Variants in DCDC2C observed in about 807,000 individuals in gnomAD.
DCDC2C encodes the protein doublecortin domain-containing protein 2C.
DCDC2C carries 44 observed loss-of-function variants against 45.0 expected under a neutral mutation model. The ratio of observed to expected loss-of-function variants is 0.98; its 90% confidence interval spans 0.77 to 1.26. The LOEUF is 1.26. DCDC2C is among the 50% of genes most tolerant of loss of function. DCDC2C has a pLI of 0.00. For missense variants in DCDC2C, 447 were observed against 468.9 expected, an observed-to-expected ratio of 0.95 and a Z score of 0.43; for synonymous variants, 187 against 178.8, an observed-to-expected ratio of 1.05 and a Z score of -0.37.
intron 2 of DCDC2C, among the ~76,000 whole-genome samples, chr2:3,721,452 T>G (rs1227189060): frequency 6.6e-6 from 1 of 152,162 alleles, no homozygotes; most frequent in African/African-American, 2.4e-5. Flanking sequence ...TCTCGCAGGC[T>G]TTTAGTTGGA....
At chr2:3,782,564 C>T (rs566844631) in intron 9 of DCDC2C, among the ~76,000 whole-genome samples, 14 of 151,794 alleles carry the variant, frequency 9.2e-5, no homozygotes, top group African/African-American at 2.2e-4. Context: ...CTGCAAGCTC[C>T]GCCTCCTGGG....
intron 10 of DCDC2C, among the ~76,000 whole-genome samples, chr2:3,789,200 AACATTTATGTTT>A (rs374086033): frequency 0.016 from 2,427 of 152,152 alleles, 71 homozygotes; most frequent in African/African-American, 0.056. Flanking sequence ...CTACCTTTGA[AACATTTATGTTT>A]TAGCCCATTG....
chr2:3,758,035 A>G (rs1031767285), intron 6 of DCDC2C, among the ~76,000 whole-genome samples: 1 of 152,224 alleles, frequency 6.6e-6, no homozygotes, highest in African/African-American at 2.4e-5. Flanking sequence ...AGGGAGTACA[A>G]TGGACTATAT....
At chr2:3,800,189 C>G (rs111525156) in intron 10 of DCDC2C, among the ~76,000 whole-genome samples, 1 of 152,186 alleles carries the variant, frequency 6.6e-6, no homozygotes, top group Non-Finnish European at 1.5e-5. Flanking sequence ...TGACCCCTTG[C>G]GCTTCCCGAG....
In DCDC2C at chr2:3,804,756, C is replaced by T. The variant is rs563662880; in HGVS notation, c.1065+19656C>T. Among the ~76,000 whole-genome samples, 6 of 152,244 alleles carry T rather than the reference C, an allele frequency of 3.9e-5. No homozygotes were observed. The East Asian group carries it at 5.8e-4, about 15-fold the overall frequency. On this transcript the variant is annotated intron_variant, in intron 10 of 10. Transcript: ENST00000399143. ...CACATAATTTCAGAGTACTTCTACC[C>T]GTGCTGCACTCGTAACAAAGGAAGT...
At chr2:3,839,618 C>T (rs1249386869) in intron 10 of DCDC2C, among the ~76,000 whole-genome samples, 1 of 152,174 alleles carries the variant, frequency 6.6e-6, no homozygotes, top group Non-Finnish European at 1.5e-5. Context: ...TCTTGAAACT[C>T]TTCATTCTTG....
chr2:3,764,376 C>T lies in DCDC2C; in HGVS notation c.727-3378C>T, dbSNP rs114458158. Among the ~76,000 whole-genome samples, 519 of 152,270 alleles carry T rather than the reference C, an allele frequency of 3.4e-3. 5 individuals carry two copies. Among genetic ancestry groups the T allele is most frequent in the African/African-American group, 0.012 (504 of 41,546 alleles). ...TTTCCAACTCATATTGTAATTTGCG[C>T]TGTTTAAGAAGTCAAGATCTTCCAC... is the stretch of plus-strand genomic sequence containing the variant. On this transcript the variant is annotated intron_variant, in intron 6 of 10. Transcript: ENST00000399143.
At chr2:3,791,921 T>A (rs995608455) in intron 10 of DCDC2C, among the ~76,000 whole-genome samples, 1 of 152,246 alleles carries the variant, frequency 6.6e-6, no homozygotes, top group Non-Finnish European at 1.5e-5. Flanking sequence ...GGAAAGGAGA[T>A]GAGATGAAGC....
chr2:3,808,243 A>G (rs1671303487), intron 10 of DCDC2C, among the ~76,000 whole-genome samples: 1 of 152,092 alleles, frequency 6.6e-6, no homozygotes, highest in South Asian at 2.1e-4. Context: ...TTGGAGTTGT[A>G]TTTCATTTGT....
In DCDC2C at chr2:3,818,360, G is replaced by A. The variant is rs1671605093; in HGVS notation, c.1066-28794G>A. 6.6e-6 allele frequency among the ~76,000 whole-genome samples: 1 copy of A among 152,152 alleles called. No homozygotes were observed. The highest frequency in any genetic ancestry group is 1.5e-5 in the Non-Finnish European group (1 of 68,034). On this transcript the variant is annotated intron_variant, in intron 10 of 10. Coordinates refer to ENST00000399143, the MANE Select transcript of DCDC2C (RefSeq NM_001287444.2). This position sits in a 1 kb window ranked among gnomAD's most constrained non-coding sequence, Gnocchi z 4.7. ...CTGGGATGAAGGGTGCAAAGGAATAGTAAAGAAAGCATATTTGAGATCCTG... is the reference window on the plus strand; with the variant it reads ...CTGGGATGAAGGGTGCAAAGGAATAATAAAGAAAGCATATTTGAGATCCTG...
intron 10 of DCDC2C, among the ~76,000 whole-genome samples, chr2:3,822,321 T>C (rs1459890142): frequency 6.6e-6 from 1 of 152,216 alleles, no homozygotes; most frequent in Non-Finnish European, 1.5e-5. Context: ...ATTTATACTT[T>C]ATGTTTCTTC....
chr2:3,704,152 G>C (rs1667964924), intron 1 of DCDC2C, 114 bp downstream of exon 1: 12 of 1,018,474 alleles, frequency 1.2e-5, no homozygotes, highest in Non-Finnish European at 1.4e-5. Flanking sequence ...TCCCGGCTCG[G>C]GCGCCCATCT....
intron 10 of DCDC2C, among the ~76,000 whole-genome samples, chr2:3,844,863 T>G (rs1672290408): frequency 6.6e-6 from 1 of 152,204 alleles, no homozygotes; most frequent in Admixed American, 6.5e-5. Context: ...CTTGGCATTC[T>G]AGAGTGACTT....
chr2:3,800,765 A>T (rs1450556530), intron 10 of DCDC2C, among the ~76,000 whole-genome samples: 2 of 149,248 alleles, frequency 1.3e-5, no homozygotes, highest in Non-Finnish European at 3.0e-5. Context: ...GGACATTTTA[A>T]GTGACATTGG....
At chr2:3,738,540 GAAAAAAAAA>G (rs60799536) in intron 3 of DCDC2C, among the ~76,000 whole-genome samples, 2 of 71,978 alleles carry the variant, frequency 2.8e-5, no homozygotes, top group Non-Finnish European at 5.2e-5. Flanking sequence ...GTCTATCTGG[GAAAAAAAAA>G]AAAAAAAAAA....
intron 10 of DCDC2C, among the ~76,000 whole-genome samples, chr2:3,829,193 GTTTC>G (rs1462723175): frequency 6.6e-6 from 1 of 151,438 alleles, no homozygotes; most frequent in Non-Finnish European, 1.5e-5. Context: ...CTTCTTCTCA[GTTTC>G]TTTGTGTGCT....
intron 3 of DCDC2C, among the ~76,000 whole-genome samples, chr2:3,738,750 G>GT (rs1353680598): frequency 1.3e-5 from 2 of 152,164 alleles, no homozygotes; most frequent in South Asian, 2.1e-4. Context: ...CTTGTATATG[G>GT]TTTTTTATCA....
chr2:3,820,158 T>C (rs1206262508), intron 10 of DCDC2C, among the ~76,000 whole-genome samples: 1 of 152,126 alleles, frequency 6.6e-6, no homozygotes, highest in Non-Finnish European at 1.5e-5. Context: ...CTCAGACCAT[T>C]TGCCCATTTT....
chr2:3,707,592 C>T (rs775660550), intron 1 of DCDC2C, among the ~76,000 whole-genome samples: 9 of 152,236 alleles, frequency 5.9e-5, no homozygotes, highest in Non-Finnish European at 1.0e-4. Flanking sequence ...TTTTGGTCTC[C>T]CTTGGAAAAA....
Sources: allele counts gnomAD v4.1 joint callset (sites outside exome capture counted in the v4.1 genomes callset), GRCh38; gene constraint gnomAD v4.1.1; non-coding constraint Gnocchi (gnomAD v3.1); transcripts MANE v1.5; gene names NCBI Gene and HGNC (gene_info 2026-07-23, HGNC 2026-07-21).